KCND2: variants seen among roughly 807,000 people sequenced by gnomAD.
The protein encoded by KCND2 is A-type voltage-gated potassium channel KCND2.
Under a neutral mutation model 54.4 loss-of-function variants are expected in KCND2, and 16 were observed. The ratio of observed to expected loss-of-function variants is 0.29; its 90% CI spans 0.20 to 0.45. The LOEUF is 0.45. Ranked by LOEUF, KCND2 falls within the 20% of genes least tolerant of loss-of-function variation. KCND2 has a pLI of 1.00. For missense variants in KCND2, 486 were observed against 824.2 expected (o/e 0.59, Z 5.02); for synonymous variants, 317 against 310.7 (o/e 1.02, Z -0.21).
At chr7:120,633,884 A>G (rs778023891) in intron 1 of KCND2, among the ~76,000 whole-genome samples, 2 of 152,226 alleles carry the variant, frequency 1.3e-5, no homozygotes, top group Non-Finnish European at 2.9e-5. Context: ...TGTTGTTTAG[A>G]GAATATATAC....
intron 3 of KCND2, 94 bp from the exon 4 acceptor site, chr7:120,742,416 T>C: frequency 1.0e-6 from 1 of 978,304 alleles, no homozygotes; most frequent in Non-Finnish European, 1.7e-6. Flanking sequence ...TGTTGCCAGT[T>C]AATAGAGCAG....
chr7:120,626,116 T>C (rs1056847954), intron 1 of KCND2, among the ~76,000 whole-genome samples: 1 of 152,164 alleles, frequency 6.6e-6, no homozygotes, highest in Admixed American at 6.5e-5. Context: ...TGCATTAATA[T>C]TCGATCATGT....
chr7:120,346,739 A>G (rs1563017067), intron 1 of KCND2, among the ~76,000 whole-genome samples: 1 of 150,970 alleles, frequency 6.6e-6, no homozygotes, highest in South Asian at 2.1e-4. Context: ...AAATCCCTTT[A>G]TATTGCTCTT....
intron 1 of KCND2, among the ~76,000 whole-genome samples, chr7:120,399,498 TTTAAC>T (rs1272751921): frequency 2.0e-5 from 3 of 151,944 alleles, no homozygotes; most frequent in African/African-American, 7.2e-5. Context: ...ATATAAAACC[TTTAAC>T]TTCTCTCTAT....
At chr7:120,723,843 C>A (rs577409142) in intron 1 of KCND2, among the ~76,000 whole-genome samples, 1 of 152,260 alleles carries the variant, frequency 6.6e-6, no homozygotes, top group East Asian at 1.9e-4. Flanking sequence ...GGTCTCGCCA[C>A]TTCTATTTTC....
chr7:120,350,365 A>T (rs1800384309), intron 1 of KCND2, among the ~76,000 whole-genome samples: 1 of 152,158 alleles, frequency 6.6e-6, no homozygotes, highest in South Asian at 2.1e-4. Context: ...TACATTTCTT[A>T]TGCCTTATAA....
At chr7:120,607,275 C>CA (rs2116481382) in intron 1 of KCND2, among the ~76,000 whole-genome samples, 1 of 151,820 alleles carries the variant, frequency 6.6e-6, no homozygotes, top group East Asian at 1.9e-4. Context: ...TGAATTTTGA[C>CA]AATTTTGGTC....
intron 1 of KCND2, among the ~76,000 whole-genome samples, chr7:120,460,834 C>A (rs1281182633): frequency 2.6e-5 from 4 of 152,264 alleles, no homozygotes; most frequent in African/African-American, 9.6e-5. Context: ...ACAAAAAGAT[C>A]TAAGAGGCTT....
intron 1 of KCND2, among the ~76,000 whole-genome samples, chr7:120,383,475 G>T (rs1175596370): frequency 6.6e-6 from 1 of 150,648 alleles, no homozygotes; most frequent in East Asian, 1.9e-4. Flanking sequence ...AATTTTAAAT[G>T]CATGTGAAGC....
At chr7:120,508,809 C>T (rs1034061866) in intron 1 of KCND2, among the ~76,000 whole-genome samples, 40 of 151,672 alleles carry the variant, frequency 2.6e-4, no homozygotes, top group African/African-American at 9.2e-4. Flanking sequence ...TGGCATCTAC[C>T]GATGCTGTCA....
chr7:120,604,274 G>A (rs188827472), intron 1 of KCND2, among the ~76,000 whole-genome samples: 2,404 of 150,582 alleles, frequency 0.016, 56 homozygotes, highest in African/African-American at 0.055. Context: ...GGCTGAGGCA[G>A]GTGGATTACC....
chr7:120,666,220 GA>G (rs1003911483), intron 1 of KCND2, among the ~76,000 whole-genome samples: 32 of 151,968 alleles, frequency 2.1e-4, no homozygotes, highest in African/African-American at 7.5e-4. Flanking sequence ...GTAGGGAGAG[GA>G]AGAGGGGACA....
intron 1 of KCND2, chr7:120,464,064 G>A (rs1424023239): frequency 1.0e-6 from 1 of 980,924 alleles, no homozygotes; most frequent in South Asian, 4.7e-5. Flanking sequence ...TTCCAGAAGA[G>A]CATATACCAA....
intron 1 of KCND2, among the ~76,000 whole-genome samples, chr7:120,607,754 A>G (rs1163614860): frequency 6.6e-6 from 1 of 152,130 alleles, no homozygotes; most frequent in Non-Finnish European, 1.5e-5. Context: ...AAGTAGGGGA[A>G]GATACACAAG....
At chr7:120,634,335 A>G (rs527474653) in intron 1 of KCND2, among the ~76,000 whole-genome samples, 10 of 152,208 alleles carry the variant, frequency 6.6e-5, no homozygotes, top group Non-Finnish European at 1.5e-4. Context: ...ATGATTGGGT[A>G]GTATTATTTC....
At chr7:120,745,462 GT>G (rs969103587) in intron 4 of KCND2, among the ~76,000 whole-genome samples, 65 of 147,998 alleles carry the variant, frequency 4.4e-4, no homozygotes, top group East Asian at 1.2e-3. Flanking sequence ...CATTTTTTAG[GT>G]TTTTTTTTTC....
chr7:120,615,612 G>A (rs1040889756), intron 1 of KCND2, among the ~76,000 whole-genome samples: 11 of 152,154 alleles, frequency 7.2e-5, no homozygotes, highest in African/African-American at 2.2e-4. Flanking sequence ...AGAGTGACAA[G>A]TGTCAGAATC....
Position 120,282,539 on chromosome 7 carries a change from G to A in KCND2, c.1115+6792G>A, listed in dbSNP as rs559041762. Among the ~76,000 whole-genome samples the A allele has an allele frequency of 1.3e-5, 2 of 152,182 alleles. 1 individual carries two copies. The highest frequency in any genetic ancestry group is 4.1e-4 in the South Asian group (2 of 4,824). On this transcript the variant is annotated intron_variant, in intron 1 of 5. Coordinates refer to ENST00000331113, the MANE Select transcript of KCND2 (RefSeq NM_012281.3). ...AATTTTGACAAGTCTATTATGTAATGATCTAAATCATTAAAAGTGTGGGGG... is the reference window on the plus strand; with the variant it reads ...AATTTTGACAAGTCTATTATGTAATAATCTAAATCATTAAAAGTGTGGGGG...
chr7:120,600,858 T>C (rs1460614938), intron 1 of KCND2, among the ~76,000 whole-genome samples: 2 of 152,088 alleles, frequency 1.3e-5, no homozygotes, highest in African/African-American at 4.8e-5. Flanking sequence ...ACTCAATGAA[T>C]CAGTAAATCA....
Sources: gnomAD v4.1 joint callset for allele counts (sites outside exome capture counted in the v4.1 genomes callset) on GRCh38, gnomAD v4.1.1 for gene constraint, MANE v1.5 for transcripts, NCBI Gene and HGNC (gene_info 2026-07-23, HGNC 2026-07-21) for gene names.